RYR3: variants seen among roughly 807,000 people sequenced by gnomAD.
The protein encoded by RYR3 is ryanodine receptor 3.
In RYR3, 207 loss-of-function variants were observed where a neutral mutation model predicts 584.3. That is an observed-to-expected ratio of 0.35 (90% CI 0.32 to 0.40). The LOEUF is 0.40. Ranked by LOEUF, RYR3 falls within the 10% of genes least tolerant of loss-of-function variation. The pLI is 1.00. For missense variants in RYR3, 5,616 were observed against 6,089.2 expected (o/e 0.92, Z 2.59); for synonymous variants, 2,416 against 2,248.5 (o/e 1.07, Z -2.11).
chr15:33,428,704 C>T (rs2044860798), intron 1 of RYR3, among the ~76,000 whole-genome samples: 1 of 145,662 alleles, frequency 6.9e-6, no homozygotes, highest in African/African-American at 2.5e-5. Flanking sequence ...TTCACATAGT[C>T]AGACCCAATT....
At chr15:33,575,461 C>G (rs191105702) in intron 12 of RYR3, among the ~76,000 whole-genome samples, 1 of 152,076 alleles carries the variant, frequency 6.6e-6, no homozygotes, top group Non-Finnish European at 1.5e-5. Flanking sequence ...TCAAGAAACT[C>G]GCTCAAAATC....
rs937811026 is a variant in RYR3 at position 33,392,738 on chromosome 15, TG to T, written c.52-80679del. ...AGCAGGAGATCCGACACTACTGGAA[TG>T]GCATTGAGGGGTTATGAGTGGGTCA... On this transcript the variant is annotated intron_variant, in intron 1 of 103. Transcript: ENST00000634891. Among the ~76,000 whole-genome samples, 49 of 152,260 alleles carry T rather than the reference TG, an allele frequency of 3.2e-4. 1 individual carries two copies. The highest frequency in any genetic ancestry group is 8.7e-4 in the African/African-American group (36 of 41,544).
intron 12 of RYR3, among the ~76,000 whole-genome samples, chr15:33,568,618 A>T (rs973435802): frequency 3.3e-5 from 5 of 152,048 alleles, no homozygotes; most frequent in African/African-American, 1.2e-4. Flanking sequence ...TTTTGTAGAG[A>T]TGGGGCCTCA....
chr15:33,424,567 C>T (rs567139203), intron 1 of RYR3, among the ~76,000 whole-genome samples: 6 of 152,144 alleles, frequency 3.9e-5, no homozygotes, highest in Non-Finnish European at 5.9e-5. Context: ...TGACTGATAG[C>T]TCAGTGCATG....
chr15:33,656,916 C>A (rs1163490963), intron 32 of RYR3, among the ~76,000 whole-genome samples: 1 of 152,184 alleles, frequency 6.6e-6, no homozygotes, highest in African/African-American at 2.4e-5. Context: ...AAAAGGCCAA[C>A]AAGGTCTCCC....
At chr15:33,777,912 G>A (rs528646434) in intron 64 of RYR3, among the ~76,000 whole-genome samples, 1 of 152,176 alleles carries the variant, frequency 6.6e-6, no homozygotes, top group Non-Finnish European at 1.5e-5. Flanking sequence ...GCTCACGCCT[G>A]TAATCCCAGC....
intron 42 of RYR3, among the ~76,000 whole-genome samples, chr15:33,706,573 T>C (rs1375054901): frequency 1.3e-5 from 2 of 152,240 alleles, no homozygotes; most frequent in Non-Finnish European, 2.9e-5. Context: ...ATTCTGTTCC[T>C]GTTTAAGGCT....
At chr15:33,661,325 T>C (rs2063149065) in intron 34 of RYR3, among the ~76,000 whole-genome samples, 1 of 152,068 alleles carries the variant, frequency 6.6e-6, no homozygotes, top group Non-Finnish European at 1.5e-5. Flanking sequence ...AACTGGATAA[T>C]GTTAATTGGT....
chr15:33,692,618 A>AC (rs2065516882), intron 38 of RYR3, among the ~76,000 whole-genome samples: 1 of 105,704 alleles, frequency 9.5e-6, no homozygotes, highest in Non-Finnish European at 2.1e-5. Flanking sequence ...CCTGGGGACT[A>AC]CTTTTTTTTT....
intron 1 of RYR3, among the ~76,000 whole-genome samples, chr15:33,370,914 A>T (rs2141092152): frequency 6.6e-6 from 1 of 152,310 alleles, no homozygotes; most frequent in Non-Finnish European, 1.5e-5. Flanking sequence ...GGAGATATAG[A>T]CACAAGAATG....
chr15:33,603,157 G>C lies in RYR3; in HGVS notation c.1957G>C (p.Gly653Arg). The C allele has an allele frequency of 6.2e-7, 1 of 1,613,874 alleles. No individual in the cohort carries two copies. Among genetic ancestry groups the C allele is most frequent in the Non-Finnish European group, 8.5e-7 (1 of 1,179,840 alleles). ...AAACATCTTCCTGGGAGTCGCGGAG[G>C]GCTCAGCCCAGTACAAGAAGTGGTA... ...RPNIFLGVAEGSAQYKKWYFE... is the reference protein window; with the variant it reads ...RPNIFLGVAERSAQYKKWYFE... Residue 653 changes from glycine (G) to arginine (R), a missense_variant, in exon 18 of 104, where the codon GGC becomes CGC. Around this residue, in one of 9 missense-constraint regions of RYR3, gnomAD observed 1,284 missense variants for 1,344.6 expected, o/e 0.95. Transcript: ENST00000634891.
intron 1 of RYR3, among the ~76,000 whole-genome samples, chr15:33,337,845 G>A (rs2140782927): frequency 6.6e-6 from 1 of 150,940 alleles, no homozygotes; most frequent in East Asian, 2.0e-4. Context: ...CAACACACAT[G>A]CCCATCAGCA....
chr15:33,496,965 C>T (rs1270896391), intron 2 of RYR3, among the ~76,000 whole-genome samples: 2 of 152,050 alleles, frequency 1.3e-5, no homozygotes, highest in African/African-American at 2.4e-5. Flanking sequence ...TGCCTTACTT[C>T]GTTTGTTTGT....
chr15:33,378,941 G>A (rs1049828078), intron 1 of RYR3, among the ~76,000 whole-genome samples: 1 of 151,962 alleles, frequency 6.6e-6, no homozygotes, highest in African/African-American at 2.4e-5. Context: ...CTCCAGCCTG[G>A]GCAATAAAGT....
chr15:33,494,725 C>T (rs918830029), intron 2 of RYR3, among the ~76,000 whole-genome samples: 1 of 152,162 alleles, frequency 6.6e-6, no homozygotes, highest in African/African-American at 2.4e-5. Context: ...CATATAATTG[C>T]TTTTGTTAGC....
Position 33,697,972 on chromosome 15 carries a change from C to T in RYR3, c.6225C>T (p.Asn2075=), listed in dbSNP as rs1271989597. ...MHETVMEVMV[N]VLGTEKSQIA... is the part of the protein sequence containing the mutation. Reference sequence around the variant, plus strand: ...AGACGGTGATGGAGGTGATGGTGAACGTGTTGGGTACAGAGAAATCTCAGG... The same window carrying T: ...AGACGGTGATGGAGGTGATGGTGAATGTGTTGGGTACAGAGAAATCTCAGG... The change falls in exon 40 of 104, where the codon AAC becomes AAT. Residue 2075 remains asparagine (N), a synonymous_variant. Transcript: ENST00000634891. The T allele has an allele frequency of 5.0e-6, 8 of 1,612,774 alleles. No homozygotes were observed. Among genetic ancestry groups the T allele is most frequent in the East Asian group, 2.2e-5 (1 of 44,890 alleles).
chr15:33,365,475 GA>G (rs924692497), intron 1 of RYR3, among the ~76,000 whole-genome samples: 2 of 152,168 alleles, frequency 1.3e-5, no homozygotes, highest in African/African-American at 4.8e-5. Context: ...CCAGGGTAGT[GA>G]GTTGCACAAT....
chr15:33,379,687 C>CTCTCTCTCTCTCTATATATA, intron 1 of RYR3, among the ~76,000 whole-genome samples: 63 of 125,512 alleles, frequency 5.0e-4, no homozygotes, highest in African/African-American at 2.1e-3. Context: ...CTCTCTCTCT[C>CTCTCTCTCTCTCTATATATA]TATATATATA....
intron 38 of RYR3, among the ~76,000 whole-genome samples, chr15:33,688,353 T>C (rs1484321406): frequency 6.6e-6 from 1 of 151,648 alleles, no homozygotes; most frequent in Admixed American, 6.6e-5. Context: ...GCAGGGCAGA[T>C]CACGAGACAG....
Sources: allele counts gnomAD v4.1 joint callset (sites outside exome capture counted in the v4.1 genomes callset), GRCh38; gene constraint gnomAD v4.1.1; regional missense constraint gnomAD v4.1.1; transcripts MANE v1.5; gene names NCBI Gene and HGNC (gene_info 2026-07-23, HGNC 2026-07-21).